Variants in SLIT3 observed in about 807,000 individuals in gnomAD.
The protein encoded by SLIT3 is slit homolog 3 protein.
Under a neutral mutation model 184.0 loss-of-function variants are expected in SLIT3, and 68 were observed. That is an observed-to-expected ratio of 0.37 (90% CI 0.30 to 0.45). The LOEUF (loss-of-function observed/expected upper bound fraction) is 0.45. Among genes scored for constraint, SLIT3 ranks in the 20% least tolerant of loss-of-function variants. The pLI, the probability that SLIT3 is intolerant of heterozygous loss-of-function variation, is 1.00. For missense variants in SLIT3, 1,707 were observed against 2,026.0 expected (o/e 0.84, Z 3.02); for synonymous variants, 831 against 828.6 (o/e 1.00, Z -0.05).
chr5:169,072,796 C>G (rs750544877), intron 4 of SLIT3, among the ~76,000 whole-genome samples: 3 of 152,194 alleles, frequency 2.0e-5, no homozygotes, highest in African/African-American at 7.2e-5. Context: ...AAATCCTGGT[C>G]TGAGCATCTG....
At chr5:169,154,032 G>A (rs1386434086) in intron 4 of SLIT3, among the ~76,000 whole-genome samples, 2 of 151,038 alleles carry the variant, frequency 1.3e-5, no homozygotes, top group Non-Finnish European at 1.5e-5. Flanking sequence ...AAGTGCAGTG[G>A]TGTCATCTCA....
chr5:169,164,772 T>A (rs1295332748), intron 4 of SLIT3, among the ~76,000 whole-genome samples: 2 of 152,238 alleles, frequency 1.3e-5, no homozygotes, highest in Non-Finnish European at 2.9e-5. Context: ...ATGGGCTGCT[T>A]TCCACTTCAA....
chr5:169,015,203 C>CA (rs1467026070), intron 4 of SLIT3, among the ~76,000 whole-genome samples: 6 of 152,310 alleles, frequency 3.9e-5, no homozygotes, highest in African/African-American at 1.4e-4. Context: ...GGCTCTGGGA[C>CA]ATCCCCTTGT....
intron 4 of SLIT3, among the ~76,000 whole-genome samples, chr5:169,097,295 G>A (rs575304933): frequency 6.6e-6 from 1 of 152,262 alleles, no homozygotes; most frequent in East Asian, 1.9e-4. Context: ...TCCATTAAGT[G>A]TGAGATGTGG....
At chr5:168,936,415 A>C (rs915031438) in intron 4 of SLIT3, among the ~76,000 whole-genome samples, 1 of 152,102 alleles carries the variant, frequency 6.6e-6, no homozygotes. Context: ...TTGTATTTTT[A>C]GTAGAGACGG....
chr5:169,143,616 T>C (rs1213130554), intron 4 of SLIT3, among the ~76,000 whole-genome samples: 1 of 152,188 alleles, frequency 6.6e-6, no homozygotes, highest in East Asian at 1.9e-4. Context: ...CCAGCCAACA[T>C]GGCGAAAACC....
At position 168,749,631 on chromosome 5, in the gene SLIT3, G is replaced by T. The variant is rs754212958; in HGVS notation, c.1978C>A (p.Leu660Ile). Reference protein sequence around the residue: ...TTLVSLSTINLLSNPFNCNCH... With the variant: ...TTLVSLSTINILSNPFNCNCH... ...TTGCAGTTGAAGGGGTTGGACAGGAGGTTTCTAGGAAGAGAGAAGGGTGCT... is the reference window on the plus strand; with the variant it reads ...TTGCAGTTGAAGGGGTTGGACAGGATGTTTCTAGGAAGAGAGAAGGGTGCT... Residue 660 changes from leucine (L) to isoleucine (I), a missense_variant, in exon 19 of 36, where the codon CTC (leucine) becomes ATC (isoleucine). This residue lies in a region of SLIT3 where 1,307 missense variants were observed against 1,511.6 expected (regional missense o/e 0.86). Coordinates refer to ENST00000519560, the MANE Select transcript of SLIT3 (RefSeq NM_003062.4). The T allele has an allele frequency of 1.8e-5, 29 of 1,614,018 alleles. No homozygotes were observed. In the South Asian group the frequency reaches 3.1e-4, roughly 17 times the overall value.
chr5:169,292,164 A>G (rs983283916), intron 1 of SLIT3, among the ~76,000 whole-genome samples: 11 of 152,328 alleles, frequency 7.2e-5, no homozygotes, highest in African/African-American at 2.4e-4. Context: ...TGCTAAGGGA[A>G]ATCACTGTGT....
At chr5:168,672,386 AG>A (rs1238776347) in intron 33 of SLIT3, among the ~76,000 whole-genome samples, 1 of 152,198 alleles carries the variant, frequency 6.6e-6, no homozygotes, top group Non-Finnish European at 1.5e-5. Flanking sequence ...CAGTTTTGGT[AG>A]CTTTTTTTAC....
At chr5:169,201,706 A>G (rs567453839) in intron 3 of SLIT3, among the ~76,000 whole-genome samples, 15 of 152,342 alleles carry the variant, frequency 9.8e-5, no homozygotes, top group African/African-American at 3.4e-4. Flanking sequence ...CTTAGAGAAC[A>G]TGTGGCCTCC....
At chr5:169,233,085 G>C (rs528552252) in intron 3 of SLIT3, among the ~76,000 whole-genome samples, 2 of 152,242 alleles carry the variant, frequency 1.3e-5, no homozygotes, top group South Asian at 4.1e-4. Flanking sequence ...GAATGCAGTG[G>C]CACAATCTTG....
intron 4 of SLIT3, among the ~76,000 whole-genome samples, chr5:169,056,555 A>G (rs1758006650): frequency 6.6e-6 from 1 of 152,004 alleles, no homozygotes; most frequent in Non-Finnish European, 1.5e-5. Context: ...CTTATAATGG[A>G]TCGTTGGCCA....
At chr5:169,184,776 G>T (rs1199038980) in intron 4 of SLIT3, among the ~76,000 whole-genome samples, 1 of 152,200 alleles carries the variant, frequency 6.6e-6, no homozygotes, top group African/African-American at 2.4e-5. Context: ...TGCTAGGCCA[G>T]CACAATCACT....
chr5:169,257,444 T>C (rs949426613), intron 1 of SLIT3, among the ~76,000 whole-genome samples: 1 of 125,514 alleles, frequency 8.0e-6, no homozygotes, highest in Non-Finnish European at 1.6e-5. Flanking sequence ...AAGAAATAAC[T>C]CCTAAACCAC....
In SLIT3 at chr5:168,663,617, C is replaced by T. The variant is rs74995426; in HGVS notation, c.*2837G>A. 8,574 of 152,340 alleles carry T rather than the reference C, an allele frequency of 0.056. 567 individuals carry two copies. Among genetic ancestry groups the T allele is most frequent in the Admixed American group, 0.19 (2,876 of 15,272 alleles). The allele number at this position is 152,340 out of a possible 1,614,324, so 9.4% of individuals were successfully genotyped here. On this transcript the variant is annotated 3_prime_UTR_variant, in exon 36 of 36. Transcript: ENST00000519560. ...ACAGCTCTTTGTGGTCAAAACCCTA[C>T]CTTCCTACCTACCCCATTTCTCTCT...
At chr5:169,137,335 C>CAGAGAGAGAGAGAGAGAG (rs1554101372) in intron 4 of SLIT3, among the ~76,000 whole-genome samples, 21 of 138,620 alleles carry the variant, frequency 1.5e-4, no homozygotes, top group South Asian at 5.0e-4. Flanking sequence ...CACACACACA[C>CAGAGAGAGAGAGAGAGAG]AGAGAGAGAG....
At chr5:169,100,493 C>T (rs572364716) in intron 4 of SLIT3, among the ~76,000 whole-genome samples, 9 of 152,228 alleles carry the variant, frequency 5.9e-5, no homozygotes, top group Non-Finnish European at 1.3e-4. Context: ...TAAAGAGTTT[C>T]CCAGAATAAA....
chr5:168,885,954 C>T (rs1006292188), intron 4 of SLIT3, among the ~76,000 whole-genome samples: 1 of 152,152 alleles, frequency 6.6e-6, no homozygotes, highest in African/African-American at 2.4e-5. Flanking sequence ...CAGGCAAAAT[C>T]CTGCACTTGG....
At chr5:168,866,436 G>A (rs1759303438) in intron 5 of SLIT3, among the ~76,000 whole-genome samples, 1 of 152,194 alleles carries the variant, frequency 6.6e-6, no homozygotes, top group Non-Finnish European at 1.5e-5. Context: ...CAAATTAAGA[G>A]CAATGAAGGC....
Sources: allele counts gnomAD v4.1 joint callset (sites outside exome capture counted in the v4.1 genomes callset), GRCh38; gene constraint gnomAD v4.1.1; regional missense constraint gnomAD v4.1.1; transcripts MANE v1.5; gene names NCBI Gene and HGNC (gene_info 2026-07-23, HGNC 2026-07-21).